The following ENPP2 variants were observed in gnomAD, a reference collection of about 807,000 sequenced individuals.
ENPP2 encodes the protein ectonucleotide pyrophosphatase/phosphodiesterase 2, also known as autotaxin.
ENPP2 carries 51 observed loss-of-function variants against 120.2 expected under a neutral mutation model. That is an observed-to-expected ratio of 0.42 (90% CI 0.34 to 0.54). The LOEUF (loss-of-function observed/expected upper bound fraction) is 0.54. Ranked by LOEUF, ENPP2 falls within the 20% of genes least tolerant of loss-of-function variation. The pLI, the probability that ENPP2 is intolerant of heterozygous loss-of-function variation, is 0.04. For synonymous variants in ENPP2, 365 were observed against 366.4 expected, an observed-to-expected ratio of 1.00 and a Z score of 0.04; for missense variants, 920 against 1,066.5, an observed-to-expected ratio of 0.86 and a Z score of 1.91.
chr8:119,578,419 T>C (rs1812497537), intron 19 of ENPP2: 1 of 152,168 alleles, frequency 6.6e-6, no homozygotes, highest in Non-Finnish European at 1.5e-5. Flanking sequence ...CACCAACAAA[T>C]TAAATGCAGG....
At chr8:119,559,666 G>A (rs75061846) in intron 24 of ENPP2, among the ~76,000 whole-genome samples, 4,824 of 152,274 alleles carry the variant, frequency 0.032, 259 homozygotes, top group African/African-American at 0.11. Flanking sequence ...AGACAATTCA[G>A]ATAAAAGTTC....
chr8:119,662,109 T>G (rs552424601), intron 1 of ENPP2, among the ~76,000 whole-genome samples: 170 of 152,272 alleles, frequency 1.1e-3, no homozygotes, highest in Non-Finnish European at 2.1e-3. Context: ...TCTCAAACTC[T>G]ATTATACAGC....
At chr8:119,633,161 T>C (rs11775668) in intron 2 of ENPP2, among the ~76,000 whole-genome samples, 46,619 of 152,124 alleles carry the variant, frequency 0.31, 8,192 homozygotes, top group African/African-American at 0.48. Context: ...ATGACAAAAG[T>C]TATGGCCAAA....
At chr8:119,572,226 C>T in intron 19 of ENPP2, 2 of 1,554,896 alleles carry the variant, frequency 1.3e-6, no homozygotes, top group Non-Finnish European at 1.7e-6. Context: ...TTCATTTCTG[C>T]TGCCTCTGAA....
chr8:119,673,107 T>A (rs1309444167), intron 1 of ENPP2: 4 of 663,004 alleles, frequency 6.0e-6, no homozygotes, highest in Non-Finnish European at 1.0e-5. Flanking sequence ...TTGCTCCAGC[T>A]GAGTGCACGG....
chr8:119,593,301 C>G (rs1370466047), intron 12 of ENPP2, among the ~76,000 whole-genome samples: 1 of 152,166 alleles, frequency 6.6e-6, no homozygotes, highest in Non-Finnish European at 1.5e-5. Flanking sequence ...GACTTACACG[C>G]CACTTCTTTG....
chr8:119,608,043 T>A, intron 8 of ENPP2, 66 bp from the exon 9 acceptor site: 1 of 1,043,322 alleles, frequency 9.6e-7, no homozygotes, highest in South Asian at 1.4e-5. Flanking sequence ...AAAAAGTTTT[T>A]AAAATACATT....
chr8:119,586,860 C>G (rs1288971049), intron 14 of ENPP2, among the ~76,000 whole-genome samples, 184 bp downstream of exon 14: 2 of 152,118 alleles, frequency 1.3e-5, no homozygotes, highest in African/African-American at 4.8e-5. Flanking sequence ...CATTAGGGAG[C>G]CTGCAGCTGA....
chr8:119,660,987 C>G (rs745851717), intron 1 of ENPP2, among the ~76,000 whole-genome samples: 1 of 152,080 alleles, frequency 6.6e-6, no homozygotes, highest in Non-Finnish European at 1.5e-5. Flanking sequence ...GCCTAAGATC[C>G]AAAATATACA....
chr8:119,595,354 C>T (rs1263344164), intron 11 of ENPP2, among the ~76,000 whole-genome samples: 4 of 152,098 alleles, frequency 2.6e-5, no homozygotes, highest in South Asian at 4.1e-4. Flanking sequence ...CAACTCTATC[C>T]GCCCATTATT....
chr8:119,621,379 CA>C lies in ENPP2; in HGVS notation c.418+14del. 4.3e-6 allele frequency: 7 copies of C among 1,612,076 alleles called. No homozygotes were observed. Among genetic ancestry groups the C allele is most frequent in the Non-Finnish European group, 5.9e-6 (7 of 1,178,616 alleles). ...TATTCTTTTAAAGCTCAGGCCAATC[CA>C]AAGAAACACGTACCTTTGCAAACCA... is the stretch of plus-strand genomic sequence containing the variant. On this transcript the variant is annotated intron_variant, in intron 4 of 24. Coordinates refer to ENST00000075322, the MANE Select transcript of ENPP2 (RefSeq NM_001040092.3).
At chr8:119,615,387 T>G (rs1400397145) in intron 8 of ENPP2, among the ~76,000 whole-genome samples, 1 of 152,186 alleles carries the variant, frequency 6.6e-6, no homozygotes, top group Non-Finnish European at 1.5e-5. Flanking sequence ...CAGAAGCTTG[T>G]ACACTTCAGC....
intron 9 of ENPP2, among the ~76,000 whole-genome samples, chr8:119,605,196 C>G (rs967799518): frequency 6.6e-6 from 1 of 151,926 alleles, no homozygotes; most frequent in African/African-American, 2.4e-5. Flanking sequence ...CTCAGTCTCC[C>G]AAGTAGCTGG....
At chr8:119,659,334 A>AAAAAAAAAAAAAC (rs58435393) in intron 1 of ENPP2, among the ~76,000 whole-genome samples, 25,546 of 125,910 alleles carry the variant, frequency 0.2, 2,852 homozygotes, top group East Asian at 0.35. Context: ...AAAAAAAAAA[A>AAAAAAAAAAAAAC]AAACCAGAGT....
At chr8:119,567,122 T>C (rs948338502) in intron 22 of ENPP2, among the ~76,000 whole-genome samples, 1 of 152,198 alleles carries the variant, frequency 6.6e-6, no homozygotes, top group Non-Finnish European at 1.5e-5. Flanking sequence ...CTCCATCAAG[T>C]TGAAGCACAT....
intron 21 of ENPP2, among the ~76,000 whole-genome samples, chr8:119,568,646 G>C (rs1814691859): frequency 6.6e-6 from 1 of 151,950 alleles, no homozygotes; most frequent in Non-Finnish European, 1.5e-5. Context: ...TGTCACCCAG[G>C]GTGAAGTGCA....
At chr8:119,568,549 C>T (rs138581461) in intron 21 of ENPP2, among the ~76,000 whole-genome samples, 97 of 151,942 alleles carry the variant, frequency 6.4e-4, no homozygotes, top group Non-Finnish European at 1.1e-3. Context: ...TTCATCAGTG[C>T]CATTTAGACT....
chr8:119,606,806 A>C (rs1171021664), intron 9 of ENPP2, among the ~76,000 whole-genome samples: 1 of 151,984 alleles, frequency 6.6e-6, no homozygotes, highest in Non-Finnish European at 1.5e-5. Flanking sequence ...TAGAATAGTC[A>C]GATTTTTGTT....
At position 119,561,435 on chromosome 8, in the gene ENPP2, C is replaced by T. The variant is rs561340072; in HGVS notation, c.2421+1422G>A. The stretch of plus-strand genomic sequence containing the variant: ...GTAGTACTTGTTGACTAAAGATTAT[C>T]TTCTGTAGATTACATCTCTACTCCT... On this transcript the variant is annotated intron_variant, in intron 24 of 24. Transcript: ENST00000075322. 1.2e-3 allele frequency among the ~76,000 whole-genome samples: 176 copies of T among 152,294 alleles called. 3 individuals are homozygous for T. The South Asian group carries it at 0.023, about 20-fold the overall frequency.
Sources: gnomAD v4.1 joint callset for allele counts (sites outside exome capture counted in the v4.1 genomes callset) on GRCh38, gnomAD v4.1.1 for gene constraint, MANE v1.5 for transcripts, NCBI Gene and HGNC (gene_info 2026-07-23, HGNC 2026-07-21) for gene names.